The following PLGRKT variants were observed in gnomAD, a reference collection of about 807,000 sequenced individuals.
PLGRKT encodes plasminogen receptor (KT).
In PLGRKT, 22 loss-of-function variants were observed where a neutral mutation model predicts 18.5. The ratio of observed to expected loss-of-function variants is 1.19; its 90% CI spans 0.85 to 1.70. The LOEUF is 1.70. PLGRKT is among the 40% of genes most tolerant of loss of function. The pLI is 0.00. For synonymous variants in PLGRKT, 72 were observed against 52.8 expected, an observed-to-expected ratio of 1.36 and a Z score of -1.58; for missense variants, 235 against 174.4, an observed-to-expected ratio of 1.35 and a Z score of -1.96.
intron 3 of PLGRKT, among the ~76,000 whole-genome samples, chr9:5,397,779 A>C (rs957054608): frequency 1.4e-4 from 22 of 151,934 alleles, no homozygotes; most frequent in Non-Finnish European, 7.3e-5. Context: ...CTTACAGAGC[A>C]TAAAGATACA....
intron 3 of PLGRKT, among the ~76,000 whole-genome samples, chr9:5,386,808 T>C (rs1223508368): frequency 1.3e-5 from 2 of 151,856 alleles, no homozygotes; most frequent in East Asian, 1.9e-4. Context: ...CATAAAAAGT[T>C]AGAAACCATA....
chr9:5,434,231 G>A (rs796105154), intron 2 of PLGRKT, among the ~76,000 whole-genome samples: 2 of 147,582 alleles, frequency 1.4e-5, no homozygotes, highest in South Asian at 2.1e-4. Flanking sequence ...CATCCCGCCT[G>A]GGAAGTGAGG....
rs1818505028 is a variant in PLGRKT, at chr9:5,418,372, C to A, written c.81+13525G>T. 1.3e-6 allele frequency: 1 copy of A among 752,288 alleles called. No individual in the cohort carries two copies. The highest frequency in any genetic ancestry group is 2.8e-5 in the East Asian group (1 of 35,308). 46.6% of individuals were successfully genotyped at this position (752,288 alleles called of 1,614,324 possible). ...GAGACTTCCCTGCAGCCCTCTCCAG[C>A]CACAAGATGTCACAGTCAAGCGCTT... On this transcript the variant is annotated intron_variant, in intron 3 of 5. Coordinates refer to ENST00000223864, the MANE Select transcript of PLGRKT (RefSeq NM_018465.4). This position sits in a 1 kb window ranked among gnomAD's most constrained non-coding sequence, Gnocchi z 4.2.
chr9:5,379,925 G>A (rs997321074), intron 3 of PLGRKT, among the ~76,000 whole-genome samples: 2 of 152,088 alleles, frequency 1.3e-5, no homozygotes, highest in Admixed American at 6.5e-5. Flanking sequence ...AAATATTTAT[G>A]TATTTGATCA....
At chr9:5,384,201 G>C (rs1817799235) in intron 3 of PLGRKT, among the ~76,000 whole-genome samples, 1 of 152,228 alleles carries the variant, frequency 6.6e-6, no homozygotes, top group Non-Finnish European at 1.5e-5. Context: ...CCCTAGAAGT[G>C]GAAGGCCTGG....
chr9:5,369,098 T>C (rs1817460108), intron 3 of PLGRKT, among the ~76,000 whole-genome samples: 1 of 152,050 alleles, frequency 6.6e-6, no homozygotes, highest in African/African-American at 2.4e-5. Context: ...AAAGCCAAAA[T>C]TGACAAATTG....
At chr9:5,421,386 C>G (rs545546677) in intron 3 of PLGRKT, among the ~76,000 whole-genome samples, 1 of 152,362 alleles carries the variant, frequency 6.6e-6, no homozygotes, top group Non-Finnish European at 1.5e-5. Context: ...CACCCATGGT[C>G]TCCCATCATC....
intron 3 of PLGRKT, among the ~76,000 whole-genome samples, chr9:5,363,901 A>G (rs1817323936): frequency 6.6e-6 from 1 of 152,264 alleles, no homozygotes. Context: ...GAGTTCAATT[A>G]GAGTTTAAAA....
At chr9:5,377,297 G>T (rs10975084) in intron 3 of PLGRKT, among the ~76,000 whole-genome samples, 1 of 151,024 alleles carries the variant, frequency 6.6e-6, no homozygotes, top group Non-Finnish European at 1.5e-5. Flanking sequence ...ATTAAACAAG[G>T]CTGTTTTGAA....
chr9:5,366,948 T>C (rs1220611200), intron 3 of PLGRKT, among the ~76,000 whole-genome samples: 1 of 151,286 alleles, frequency 6.6e-6, no homozygotes, highest in Non-Finnish European at 1.5e-5. Flanking sequence ...TTAGTAGCAT[T>C]TCTACACACC....
chr9:5,361,346 T>A (rs2131055801), intron 4 of PLGRKT, among the ~76,000 whole-genome samples, 159 bp from the exon 5 acceptor site: 2 of 152,306 alleles, frequency 1.3e-5, no homozygotes, highest in Non-Finnish European at 2.9e-5. Context: ...AGGATTTCCT[T>A]ACCCAATACC....
chr9:5,407,412 C>T (rs1818277373), intron 3 of PLGRKT, among the ~76,000 whole-genome samples: 1 of 152,116 alleles, frequency 6.6e-6, no homozygotes, highest in African/African-American at 2.4e-5. Flanking sequence ...CCAAGGAAAG[C>T]ACTATGTGAT....
chr9:5,375,877 G>T (rs1487700305), intron 3 of PLGRKT, among the ~76,000 whole-genome samples: 3 of 152,104 alleles, frequency 2.0e-5, no homozygotes. Flanking sequence ...TGAAAGCAGG[G>T]ACTTGGACAG....
At chr9:5,379,206 T>C (rs1165124817) in intron 3 of PLGRKT, among the ~76,000 whole-genome samples, 1 of 152,200 alleles carries the variant, frequency 6.6e-6, no homozygotes, top group Non-Finnish European at 1.5e-5. Context: ...ATTCACAATA[T>C]TGTAAATATA....
At chr9:5,360,924 C>T (rs1817248586) in intron 5 of PLGRKT, among the ~76,000 whole-genome samples, 154 bp downstream of exon 5, 1 of 152,184 alleles carries the variant, frequency 6.6e-6, no homozygotes, top group African/African-American at 2.4e-5. Context: ...GGCTCTAGGA[C>T]ACCACTGTGT....
chr9:5,374,337 C>G (rs1336362349), intron 3 of PLGRKT, among the ~76,000 whole-genome samples: 1 of 152,164 alleles, frequency 6.6e-6, no homozygotes, highest in Non-Finnish European at 1.5e-5. Flanking sequence ...ACTTTTTATG[C>G]TACTGCCAGA....
intron 2 of PLGRKT, among the ~76,000 whole-genome samples, chr9:5,434,351 G>A (rs1818912483): frequency 6.9e-6 from 1 of 144,632 alleles, no homozygotes; most frequent in African/African-American, 2.6e-5. Context: ...GGGAGGTGAG[G>A]AGCACCTCTG....
intron 3 of PLGRKT, among the ~76,000 whole-genome samples, chr9:5,422,846 T>A (rs887340705): frequency 3.9e-5 from 6 of 152,152 alleles, no homozygotes; most frequent in Non-Finnish European, 5.9e-5. Flanking sequence ...AGTTTTTTTT[T>A]AAAGTTTTCC....
intron 3 of PLGRKT, among the ~76,000 whole-genome samples, chr9:5,366,345 T>C (rs1392525107): frequency 6.6e-6 from 1 of 152,128 alleles, no homozygotes; most frequent in Non-Finnish European, 1.5e-5. Flanking sequence ...TTAACACAAA[T>C]CCTAAATACA....
Sources: gnomAD v4.1 joint callset for allele counts (sites outside exome capture counted in the v4.1 genomes callset) on GRCh38, gnomAD v4.1.1 for gene constraint, Gnocchi (gnomAD v3.1) non-coding constraint, MANE v1.5 for transcripts, NCBI Gene and HGNC (gene_info 2026-07-23, HGNC 2026-07-21) for gene names.